TMEM120B: variants seen among roughly 807,000 people sequenced by gnomAD.
The protein encoded by TMEM120B is transmembrane protein 120B.
A neutral mutation model predicts 55.5 loss-of-function variants in TMEM120B; 31 were observed. The observed-to-expected ratio is 0.56, with a 90% CI of 0.42 to 0.75. The LOEUF is 0.75. TMEM120B is among the 30% of genes least tolerant of loss of function. TMEM120B has a pLI of 0.00. For synonymous variants in TMEM120B, 203 were observed against 176.3 expected, an observed-to-expected ratio of 1.15 and a Z score of -1.20; for missense variants, 399 against 425.5, an observed-to-expected ratio of 0.94 and a Z score of 0.55.
At chr12:121,730,374 C>T (rs185319590) in intron 1 of TMEM120B, among the ~76,000 whole-genome samples, 22 of 151,174 alleles carry the variant, frequency 1.5e-4, no homozygotes, top group East Asian at 9.7e-4. Flanking sequence ...GGTCTGGGCA[C>T]GGTGGCTCAC....
chr12:121,738,434 A>G (rs1872818390), intron 1 of TMEM120B, among the ~76,000 whole-genome samples: 2 of 152,104 alleles, frequency 1.3e-5, no homozygotes, highest in South Asian at 4.1e-4. Flanking sequence ...CCCAGCACCA[A>G]AGGCCACCAG....
intron 1 of TMEM120B, among the ~76,000 whole-genome samples, chr12:121,722,345 C>T (rs1185226448): frequency 6.6e-6 from 1 of 152,168 alleles, no homozygotes; most frequent in Non-Finnish European, 1.5e-5. Context: ...GATCTGCTCA[C>T]CTCAGCCTCC....
In TMEM120B at chr12:121,779,694, G is replaced by A; in HGVS notation, c.*3972G>A. On this transcript the variant is annotated 3_prime_UTR_variant, in exon 12 of 12. Transcript: ENST00000449592. ...GGGGGGAGGAGCCAGCATTAGGTGA[G>A]GGGCCCCTGGAGGTCTCCTAGCACC... is the stretch of plus-strand genomic sequence containing the variant. The A allele has an allele frequency of 1.2e-6, 2 of 1,611,592 alleles. No homozygotes were observed. Among genetic ancestry groups the A allele is most frequent in the Admixed American group, 3.3e-5 (2 of 59,990 alleles).
intron 1 of TMEM120B, among the ~76,000 whole-genome samples, chr12:121,724,774 C>CT (rs1317591062): frequency 2.0e-5 from 3 of 151,924 alleles, no homozygotes; most frequent in East Asian, 3.9e-4. Flanking sequence ...CCACACCCGG[C>CT]TAAGTTTTTG....
intron 1 of TMEM120B, among the ~76,000 whole-genome samples, chr12:121,713,623 C>T (rs1271858064): frequency 6.6e-6 from 1 of 152,090 alleles, no homozygotes; most frequent in African/African-American, 2.4e-5. Flanking sequence ...GAGCCTTACA[C>T]GGGGTGGAGT....
chr12:121,716,692 A>T (rs919591981), intron 1 of TMEM120B, among the ~76,000 whole-genome samples: 1 of 150,310 alleles, frequency 6.7e-6, no homozygotes, highest in African/African-American at 2.5e-5. Context: ...CCTCCTGAGT[A>T]GCTGGGATTA....
At chr12:121,749,825 G>T (rs1317998685) in intron 3 of TMEM120B, among the ~76,000 whole-genome samples, 1 of 151,504 alleles carries the variant, frequency 6.6e-6, no homozygotes, top group Non-Finnish European at 1.5e-5. Context: ...AGAATTGCTT[G>T]AACCCAGGAG....
chr12:121,758,085 C>A, intron 5 of TMEM120B: 1 of 870,604 alleles, frequency 1.1e-6, no homozygotes, highest in Non-Finnish European at 1.4e-6. Flanking sequence ...CGTCACTGCA[C>A]TCCAGCCTGA....
intron 1 of TMEM120B, among the ~76,000 whole-genome samples, chr12:121,730,668 C>CA (rs796159644): frequency 4.4e-3 from 472 of 106,502 alleles, no homozygotes; most frequent in African/African-American, 5.6e-3. Flanking sequence ...AAAAAACAAA[C>CA]AAAAAAAAAC....
Position 121,752,120 on chromosome 12 carries a change from C to G in TMEM120B, c.366-8C>G. 1 of 1,612,390 alleles carries G rather than the reference C, an allele frequency of 6.2e-7. No homozygotes were observed. Among genetic ancestry groups the G allele is most frequent in the Non-Finnish European group, 8.5e-7 (1 of 1,179,206 alleles). On this transcript the variant is annotated splice_region_variant and splice_polypyrimidine_tract_variant and intron_variant, in intron 4 of 11. Coordinates refer to ENST00000449592, the MANE Select transcript of TMEM120B (RefSeq NM_001080825.2). ...GGGGCACACCCCTGGGCGTGTCTGT[C>G]GTGGCAGGTTCGCCTACAAGGACGA...
At chr12:121,769,269 C>T (rs1489830055) in intron 6 of TMEM120B, among the ~76,000 whole-genome samples, 1 of 151,980 alleles carries the variant, frequency 6.6e-6, no homozygotes, top group Non-Finnish European at 1.5e-5. Flanking sequence ...GGGCAAGGGC[C>T]TCCTGTCACT....
At chr12:121,761,573 T>C in intron 5 of TMEM120B, 76 bp from the exon 6 acceptor site, 1 of 1,132,708 alleles carries the variant, frequency 8.8e-7, no homozygotes, top group Non-Finnish European at 1.3e-6. Flanking sequence ...GGTTTGCTGC[T>C]CTGTGAGGTG....
At chr12:121,718,231 C>G (rs555909383) in intron 1 of TMEM120B, among the ~76,000 whole-genome samples, 1 of 152,286 alleles carries the variant, frequency 6.6e-6, no homozygotes, top group African/African-American at 2.4e-5. Flanking sequence ...GCCTGTAATC[C>G]CAGCACTTTG....
intron 6 of TMEM120B, among the ~76,000 whole-genome samples, chr12:121,764,019 A>G (rs1307333862): frequency 6.6e-6 from 1 of 152,146 alleles, no homozygotes; most frequent in Non-Finnish European, 1.5e-5. Context: ...GCACACAGCC[A>G]TTTAGAAAAC....
intron 1 of TMEM120B, among the ~76,000 whole-genome samples, chr12:121,729,684 A>G (rs904438800): frequency 1.3e-5 from 2 of 151,500 alleles, no homozygotes; most frequent in Admixed American, 6.6e-5. Context: ...CTGTAGTTCT[A>G]GCTACTCGGG....
chr12:121,761,595 G>T, intron 5 of TMEM120B, 54 bp from the exon 6 acceptor site: 1 of 1,371,952 alleles, frequency 7.3e-7, no homozygotes, highest in Non-Finnish European at 1.0e-6. Flanking sequence ...GGGTGGGATG[G>T]CTGTGCCTGG....
At chr12:121,745,327 T>C (rs1236946802) in intron 2 of TMEM120B, among the ~76,000 whole-genome samples, 1 of 152,246 alleles carries the variant, frequency 6.6e-6, no homozygotes, top group African/African-American at 2.4e-5. Flanking sequence ...AGGTGCCTTT[T>C]TGTCTGTCTC....
rs1874483289 is a variant in TMEM120B, at chr12:121,782,054, C to T, written c.*6332C>T. 1.3e-5 allele frequency: 2 copies of T among 152,158 alleles called. No individual in the cohort carries two copies. Among genetic ancestry groups the T allele is most frequent in the Non-Finnish European group, 2.9e-5 (2 of 68,026 alleles). 9.4% of individuals were successfully genotyped at this position (152,158 alleles called of 1,614,324 possible). ...CAGTTTCAAACTTACAGTAAAATTGCAACACGAGTATGAAGAGCTCTCTGA... is the reference window on the plus strand; with the variant it reads ...CAGTTTCAAACTTACAGTAAAATTGTAACACGAGTATGAAGAGCTCTCTGA... On this transcript the variant is annotated 3_prime_UTR_variant, in exon 12 of 12. Coordinates refer to ENST00000449592, the MANE Select transcript of TMEM120B (RefSeq NM_001080825.2).
chr12:121,769,940 C>T (rs1319630103), intron 6 of TMEM120B, among the ~76,000 whole-genome samples: 9 of 151,978 alleles, frequency 5.9e-5, no homozygotes, highest in Non-Finnish European at 1.3e-4. Flanking sequence ...GCAGTGTGAT[C>T]CGAGTGGGGC....
Sources: gnomAD v4.1 joint callset for allele counts (sites outside exome capture counted in the v4.1 genomes callset) on GRCh38, gnomAD v4.1.1 for gene constraint, MANE v1.5 for transcripts, NCBI Gene and HGNC (gene_info 2026-07-23, HGNC 2026-07-21) for gene names.